Variants in PSMD14 observed in about 807,000 individuals in gnomAD.
The protein encoded by PSMD14 is proteasome 26S subunit, non-ATPase 14.
Under a neutral mutation model 41.2 loss-of-function variants are expected in PSMD14, and 7 were observed. That is an observed-to-expected ratio of 0.17 (90% CI 0.10 to 0.32). PSMD14 has a LOEUF of 0.32. Ranked by LOEUF, PSMD14 falls within the 10% of genes least tolerant of loss-of-function variation. The pLI is 1.00. For missense variants in PSMD14, 139 were observed against 375.6 expected (o/e 0.37, Z 5.21); for synonymous variants, 114 against 122.3 (o/e 0.93, Z 0.45).
chr2:161,393,340 A>G (rs1195696469), intron 9 of PSMD14, among the ~76,000 whole-genome samples: 1 of 152,162 alleles, frequency 6.6e-6, no homozygotes, highest in African/African-American at 2.4e-5. Flanking sequence ...AGAAGCTAGG[A>G]AGGAATCAGA....
intron 3 of PSMD14, among the ~76,000 whole-genome samples, chr2:161,328,874 A>G (rs1682742845): frequency 6.6e-6 from 1 of 152,286 alleles, no homozygotes; most frequent in African/African-American, 2.4e-5. Context: ...GCAAAAGAAC[A>G]AGTCATGGAA....
chr2:161,371,967 C>CTTTTTTTTTTT (rs529718395), intron 7 of PSMD14, among the ~76,000 whole-genome samples: 1 of 145,334 alleles, frequency 6.9e-6, no homozygotes. Flanking sequence ...TTCATTCTTT[C>CTTTTTTTTTTT]TTTTTTTTTT....
Position 161,408,862 on chromosome 2 carries a change from C to T in PSMD14, c.797C>T (p.Thr266Ile). 2 of 1,607,166 alleles carry T rather than the reference C, an allele frequency of 1.2e-6. No homozygotes were observed. Among genetic ancestry groups the T allele is most frequent in the Non-Finnish European group, 1.7e-6 (2 of 1,175,050 alleles). The change falls in exon 11 of 12, where the codon ACA becomes ATA. Residue 266 changes from threonine to isoleucine, a missense_variant. By Grantham distance (89) the Thr-to-Ile change is moderately conservative (BLOSUM62 -1). Around this residue, in one of 4 missense-constraint regions of PSMD14, gnomAD observed 80 missense variants for 138.1 expected, o/e 0.58. Transcript: ENST00000409682. The part of the protein sequence containing the change: ...NKAVEEEDKM[T>I]PEQLAIKNVG... ...GCTGTAGAAGAAGAAGATAAGATGACACCTGAACAGCTGGCAATAAAGAAT... is the reference window on the plus strand; with the variant it reads ...GCTGTAGAAGAAGAAGATAAGATGATACCTGAACAGCTGGCAATAAAGAAT...
At chr2:161,395,305 T>C (rs1683778317) in intron 10 of PSMD14, 102 bp downstream of exon 10, 4 of 1,119,010 alleles carry the variant, frequency 3.6e-6, no homozygotes, top group Non-Finnish European at 5.0e-6. Context: ...TCCTGTTTTG[T>C]AAATAAAATA....
intron 3 of PSMD14, chr2:161,341,348 C>A: frequency 1.0e-6 from 1 of 1,003,400 alleles, no homozygotes; most frequent in Non-Finnish European, 1.2e-6. Flanking sequence ...CGCCGAGTGC[C>A]GGCCAGCTGC....
At chr2:161,319,083 G>T (rs567903660) in intron 3 of PSMD14, 38 of 395,252 alleles carry the variant, frequency 9.6e-5, no homozygotes, top group Non-Finnish European at 1.5e-4. Context: ...CTGGGAATAA[G>T]AATTTTCTGT....
chr2:161,348,577 T>C (rs1683076897), intron 3 of PSMD14, among the ~76,000 whole-genome samples: 1 of 152,244 alleles, frequency 6.6e-6, no homozygotes, highest in African/African-American at 2.4e-5. Context: ...TAGTTCATAC[T>C]AATGAAAAAG....
intron 1 of PSMD14, among the ~76,000 whole-genome samples, chr2:161,310,371 T>C (rs1321458889): frequency 6.6e-6 from 1 of 152,230 alleles, no homozygotes; most frequent in Non-Finnish European, 1.5e-5. Context: ...GCTTTTTTAA[T>C]TTTCAATTTT....
At chr2:161,343,272 AC>A (rs746985526) in intron 3 of PSMD14, among the ~76,000 whole-genome samples, 2 of 152,152 alleles carry the variant, frequency 1.3e-5, no homozygotes, top group African/African-American at 2.4e-5. Context: ...TCTGTTTGTT[AC>A]GAATCTCACT....
intron 3 of PSMD14, among the ~76,000 whole-genome samples, chr2:161,353,204 A>G (rs1683144867): frequency 6.6e-6 from 1 of 152,200 alleles, no homozygotes; most frequent in Non-Finnish European, 1.5e-5. Flanking sequence ...TTTTATGTGG[A>G]AAAATATGTC....
intron 3 of PSMD14, among the ~76,000 whole-genome samples, chr2:161,343,328 T>A (rs1682994298): frequency 6.6e-6 from 1 of 152,208 alleles, no homozygotes; most frequent in Non-Finnish European, 1.5e-5. Flanking sequence ...TATTTGTCAT[T>A]TTGTGACTGG....
intron 3 of PSMD14, among the ~76,000 whole-genome samples, chr2:161,364,388 A>G (rs1226015684): frequency 6.6e-6 from 1 of 152,140 alleles, no homozygotes; most frequent in African/African-American, 2.4e-5. Flanking sequence ...GTGGCAGGCC[A>G]GGGTGGTCTT....
intron 3 of PSMD14, among the ~76,000 whole-genome samples, chr2:161,327,838 A>G (rs922746699): frequency 1.1e-4 from 17 of 152,080 alleles, no homozygotes; most frequent in African/African-American, 3.1e-4. Context: ...GTGTCACTGT[A>G]TATCAGGGAA....
rs370264007 is a variant in PSMD14 at position 161,315,493 on chromosome 2, A to G, written c.-137-944A>G. On this transcript the variant is annotated intron_variant, in intron 1 of 11. Coordinates refer to ENST00000409682, the MANE Select transcript of PSMD14 (RefSeq NM_005805.6). ...CTAAATGAAAACTGAAAAAAAGACT[A>G]CAGAGATGAAGTCTCTAGTGTTCTA... Among the ~76,000 whole-genome samples, 5 of 152,232 alleles carry G rather than the reference A, an allele frequency of 3.3e-5. No homozygotes were observed. In the East Asian group the frequency reaches 5.8e-4, roughly 18 times the overall value.
chr2:161,380,583 C>T lies in PSMD14; in HGVS notation c.463-4881C>T, dbSNP rs74269115. On this transcript the variant is annotated intron_variant, in intron 7 of 11. Transcript: ENST00000409682. ...TCTTTAGCTACAGTAAGCAATTCTC[C>T]GAGGATGAAGAAAGAAAATGTACAT... is the stretch of plus-strand genomic sequence containing the variant. 5.3e-5 allele frequency among the ~76,000 whole-genome samples: 8 copies of T among 151,970 alleles called. No individual in the cohort carries two copies. In the East Asian group the frequency reaches 9.7e-4, roughly 18 times the overall value.
At position 161,308,502 on chromosome 2, in the gene PSMD14, C is replaced by T. The variant is rs1026421050; in HGVS notation, c.-240C>T. ...TTCATCGCCGGTTTGCAGACAGAGC[C>T]GCGTCGGGTGTGCGCCGCTGCTGCT... On this transcript the variant is annotated 5_prime_UTR_variant, in exon 1 of 12. Coordinates refer to ENST00000409682, the MANE Select transcript of PSMD14 (RefSeq NM_005805.6). 1 of 152,446 alleles carries T rather than the reference C, an allele frequency of 6.6e-6. No homozygotes were observed. Among genetic ancestry groups the T allele is most frequent in the East Asian group, 1.9e-4 (1 of 5,184 alleles). 9.4% of individuals were successfully genotyped at this position (152,446 alleles called of 1,614,324 possible). A position where few individuals can be genotyped will look rare whatever the true frequency, so the allele number is the denominator to read the frequency against.
chr2:161,356,341 T>A (rs1683197838), intron 3 of PSMD14, among the ~76,000 whole-genome samples: 1 of 152,164 alleles, frequency 6.6e-6, no homozygotes, highest in African/African-American at 2.4e-5. Context: ...TAATACAAAA[T>A]TAAAGTATTA....
intron 3 of PSMD14, among the ~76,000 whole-genome samples, chr2:161,324,425 G>A (rs1425435573): frequency 6.6e-6 from 1 of 152,170 alleles, no homozygotes; most frequent in East Asian, 1.9e-4. Context: ...TGGGAAAAAT[G>A]AGACTAAGGA....
chr2:161,308,818 T>A (rs956220026), intron 1 of PSMD14: 3 of 152,562 alleles, frequency 2.0e-5, no homozygotes, highest in African/African-American at 7.2e-5. Flanking sequence ...TCCATTCTTT[T>A]CTGTTTGGCC....
Sources: gnomAD v4.1 joint callset for allele counts (sites outside exome capture counted in the v4.1 genomes callset) on GRCh38, gnomAD v4.1.1 for gene constraint, gnomAD v4.1.1 regional missense constraint, MANE v1.5 for transcripts, NCBI Gene and HGNC (gene_info 2026-07-23, HGNC 2026-07-21) for gene names.